The following ARL15 variants were observed in gnomAD, a reference collection of about 807,000 sequenced individuals.
The protein encoded by ARL15 is ARF like GTPase 15, also known as ADP-ribosylation factor-like protein 15.
A neutral mutation model predicts 25.2 loss-of-function variants in ARL15; 19 were observed. That is an observed-to-expected ratio of 0.75 (90% CI 0.53 to 1.10). The LOEUF (loss-of-function observed/expected upper bound fraction) is 1.10. ARL15 is among the 50% of genes least tolerant of loss of function. The probability of loss-of-function intolerance (pLI) is 0.00; values close to 1 mark genes in which losing one functional copy is unlikely to be tolerated. For missense variants in ARL15, 220 were observed against 246.0 expected, an observed-to-expected ratio of 0.89 and a Z score of 0.71; for synonymous variants, 94 against 86.8, an observed-to-expected ratio of 1.08 and a Z score of -0.46.
chr5:54,301,869 G>A (rs913355934), intron 1 of ARL15, among the ~76,000 whole-genome samples: 1 of 152,226 alleles, frequency 6.6e-6, no homozygotes, highest in Non-Finnish European at 1.5e-5. Flanking sequence ...GCAGTCCAGA[G>A]GTTAAAACAG....
At chr5:54,149,192 G>C (rs1272611960) in intron 3 of ARL15, among the ~76,000 whole-genome samples, 3 of 152,232 alleles carry the variant, frequency 2.0e-5, no homozygotes, top group Admixed American at 1.3e-4. Flanking sequence ...AATGATAGAA[G>C]AGATTTTTCA....
chr5:54,223,233 T>C (rs1335999605), intron 1 of ARL15, among the ~76,000 whole-genome samples: 1 of 152,066 alleles, frequency 6.6e-6, no homozygotes, highest in African/African-American at 2.4e-5. Context: ...ACTACTTATA[T>C]TTTTTATTAA....
Position 54,092,074 on chromosome 5 carries a change from C to CACACACACACACACACT in ARL15, c.462+21127_462+21128insAGTGTGTGTGTGTGTGT, listed in dbSNP as rs1561220828. On this transcript the variant is annotated intron_variant, in intron 4 of 4. Coordinates refer to ENST00000504924, the MANE Select transcript of ARL15 (RefSeq NM_019087.3). ...CACACACACACACACACACACACAC[C>CACACACACACACACACT]ACCACCACCACCACCATCACCAGGA... Among the ~76,000 whole-genome samples the CACACACACACACACACT allele has an allele frequency of 3.6e-3, 347 of 95,954 alleles. 1 individual carries two copies. The highest frequency in any genetic ancestry group is 0.012 in the African/African-American group (327 of 27,030). 62.9% of individuals were successfully genotyped at this position (95,954 alleles called of 152,430 possible).
At chr5:53,993,574 CTTGCCTA>C (rs1937974822) in intron 4 of ARL15, among the ~76,000 whole-genome samples, 1 of 152,122 alleles carries the variant, frequency 6.6e-6, no homozygotes, top group South Asian at 2.1e-4. Context: ...CACCTTTTAC[CTTGCCTA>C]TTTCAGCTTT....
intron 4 of ARL15, among the ~76,000 whole-genome samples, chr5:53,945,505 C>T (rs558897672): frequency 6.6e-6 from 1 of 152,254 alleles, no homozygotes; most frequent in East Asian, 1.9e-4. Flanking sequence ...TCTCAAACTA[C>T]CTCCAACTCA....
At chr5:54,231,834 CA>C (rs1561276688) in intron 1 of ARL15, among the ~76,000 whole-genome samples, 1 of 152,142 alleles carries the variant, frequency 6.6e-6, no homozygotes, top group Non-Finnish European at 1.5e-5. Context: ...ATTAGGGCCC[CA>C]CTTTTAAGAC....
chr5:54,145,083 T>C (rs1465882380), intron 3 of ARL15, among the ~76,000 whole-genome samples: 1 of 151,442 alleles, frequency 6.6e-6, no homozygotes, highest in Non-Finnish European at 1.5e-5. Flanking sequence ...TTTCTTACCA[T>C]TTTTTTCATA....
chr5:54,288,382 G>A (rs953923473), intron 1 of ARL15, among the ~76,000 whole-genome samples: 1 of 152,210 alleles, frequency 6.6e-6, no homozygotes, highest in African/African-American at 2.4e-5. Flanking sequence ...AGGAGCTCTG[G>A]CACTAATTTT....
At chr5:54,067,601 T>A (rs1474897420) in intron 4 of ARL15, among the ~76,000 whole-genome samples, 1 of 152,226 alleles carries the variant, frequency 6.6e-6, no homozygotes, top group Non-Finnish European at 1.5e-5. Flanking sequence ...TATGAAATGC[T>A]TGTGCTACAT....
chr5:54,240,150 C>T (rs376925925), intron 1 of ARL15, among the ~76,000 whole-genome samples: 3 of 151,444 alleles, frequency 2.0e-5, no homozygotes, highest in South Asian at 2.1e-4. Context: ...TGGCATGAAC[C>T]CGGGAGGCGG....
chr5:54,277,452 C>T (rs1050068565), intron 1 of ARL15, among the ~76,000 whole-genome samples: 3 of 152,122 alleles, frequency 2.0e-5, no homozygotes, highest in Non-Finnish European at 4.4e-5. Context: ...TAGTAAAACG[C>T]GTTCAATAAT....
chr5:54,047,124 C>A (rs1451592785), intron 4 of ARL15, among the ~76,000 whole-genome samples: 1 of 152,108 alleles, frequency 6.6e-6, no homozygotes, highest in Non-Finnish European at 1.5e-5. Context: ...AAAGTCAGTG[C>A]TCTTGCTGGT....
chr5:53,921,912 C>A (rs1054247237), intron 4 of ARL15, among the ~76,000 whole-genome samples: 2 of 152,162 alleles, frequency 1.3e-5, no homozygotes, highest in African/African-American at 4.8e-5. Flanking sequence ...ATTTCTTTCC[C>A]TTTTAAAACA....
intron 4 of ARL15, among the ~76,000 whole-genome samples, chr5:53,904,343 AT>A (rs1370246851): frequency 6.6e-6 from 1 of 152,258 alleles, no homozygotes; most frequent in Non-Finnish European, 1.5e-5. Context: ...TGGCAATCAT[AT>A]TTATTATTAA....
intron 3 of ARL15, among the ~76,000 whole-genome samples, chr5:54,128,766 C>T (rs568761888): frequency 1.3e-4 from 19 of 142,974 alleles, no homozygotes; most frequent in Admixed American, 9.1e-4. Context: ...AGTGCAATGG[C>T]GCAATCTCAG....
chr5:54,228,770 G>C (rs925601328), intron 1 of ARL15, among the ~76,000 whole-genome samples: 1 of 152,104 alleles, frequency 6.6e-6, no homozygotes, highest in Non-Finnish European at 1.5e-5. Flanking sequence ...AACTGCGCTA[G>C]TCTCATGGAT....
chr5:54,279,360 T>G (rs915614906), intron 1 of ARL15, among the ~76,000 whole-genome samples: 28 of 152,248 alleles, frequency 1.8e-4, no homozygotes, highest in African/African-American at 6.7e-4. Context: ...AGCCTGGAAG[T>G]CCCAGATCAG....
chr5:54,063,196 G>A (rs768528536), intron 4 of ARL15, among the ~76,000 whole-genome samples: 8 of 152,230 alleles, frequency 5.3e-5, no homozygotes, highest in Non-Finnish European at 1.0e-4. Context: ...AGGATGCAGC[G>A]TGTCTTCCGA....
intron 4 of ARL15, among the ~76,000 whole-genome samples, chr5:53,968,976 C>T (rs1029676659): frequency 7.9e-5 from 12 of 151,630 alleles, no homozygotes; most frequent in African/African-American, 2.4e-4. Flanking sequence ...GGTGAAACCC[C>T]GTCTCTACTA....
Sources: gnomAD v4.1 joint callset for allele counts (sites outside exome capture counted in the v4.1 genomes callset) on GRCh38, gnomAD v4.1.1 for gene constraint, MANE v1.5 for transcripts, NCBI Gene and HGNC (gene_info 2026-07-23, HGNC 2026-07-21) for gene names.